The following HMGXB4 variants were observed in gnomAD, a reference collection of about 807,000 sequenced individuals.
HMGXB4 encodes the protein HMG-box containing 4.
A neutral mutation model predicts 63.9 loss-of-function variants in HMGXB4; 27 were observed. The ratio of observed to expected loss-of-function variants is 0.42; its 90% CI spans 0.31 to 0.58. The LOEUF is 0.58. HMGXB4 is among the 20% of genes least tolerant of loss of function. HMGXB4 has a pLI of 0.13. For synonymous variants in HMGXB4, 264 were observed against 265.3 expected, an observed-to-expected ratio of 0.99 and a Z score of 0.05; for missense variants, 624 against 700.7, an observed-to-expected ratio of 0.89 and a Z score of 1.24.
At chr22:35,288,184 T>G (rs1215505650) in intron 8 of HMGXB4, 54 bp from the exon 9 acceptor site, 2 of 1,337,014 alleles carry the variant, frequency 1.5e-6, no homozygotes, top group Non-Finnish European at 9.8e-7. Flanking sequence ...CAACTTTGTG[T>G]TGTTCAAGGC....
intron 5 of HMGXB4, 136 bp downstream of exon 5, chr22:35,265,739 T>A (rs924360569): frequency 8.9e-6 from 11 of 1,240,832 alleles, no homozygotes; most frequent in Non-Finnish European, 1.2e-5. Context: ...TGGAATGATA[T>A]AAAGTATAAA....
chr22:35,252,031 A>G, the HMGXB4 span, among the ~76,000 whole-genome samples: 3 of 152,142 alleles, frequency 2.0e-5, no homozygotes, highest in East Asian at 5.8e-4. Context: ...CCTGGCCAAC[A>G]TGGTGAAACC....
chr22:35,269,671 A>T (rs1403826078), intron 5 of HMGXB4, among the ~76,000 whole-genome samples: 1 of 152,228 alleles, frequency 6.6e-6, no homozygotes, highest in Non-Finnish European at 1.5e-5. Flanking sequence ...GATCTAAATG[A>T]TAAGAATAAA....
chr22:35,257,545 G>C lies in HMGXB4; in HGVS notation c.-81G>C, dbSNP rs939001205. 6.5e-6 allele frequency: 1 copy of C among 152,800 alleles called. No homozygotes were observed. Among genetic ancestry groups the C allele is most frequent in the Non-Finnish European group, 1.5e-5 (1 of 68,202 alleles). The allele number at this position is 152,800 out of a possible 1,614,324, so 9.5% of individuals were successfully genotyped here. A position where few individuals can be genotyped will look rare whatever the true frequency, so the allele number is the denominator to read the frequency against. On this transcript the variant is annotated 5_prime_UTR_variant, in exon 1 of 11. Coordinates refer to ENST00000216106, the MANE Select transcript of HMGXB4 (RefSeq NM_001003681.3). ...GGCGGCGTTGAGGCGGGATCCGGGC[G>C]AGCCGAGTGAAGGTAGCGGCGAGCG...
At chr22:35,266,104 G>C (rs1156287458) in intron 5 of HMGXB4, among the ~76,000 whole-genome samples, 1 of 151,918 alleles carries the variant, frequency 6.6e-6, no homozygotes, top group Non-Finnish European at 1.5e-5. Flanking sequence ...TTTCTTAATA[G>C]AGTTATTCTC....
At chr22:35,288,523 GC>G in intron 9 of HMGXB4, 116 bp downstream of exon 9, 1 of 702,286 alleles carries the variant, frequency 1.4e-6, no homozygotes, top group Non-Finnish European at 2.1e-6. Flanking sequence ...GCTAAATTAT[GC>G]CAGGTTCTCA....
chr22:35,276,690 C>T (rs1923933141), intron 5 of HMGXB4, among the ~76,000 whole-genome samples: 1 of 152,148 alleles, frequency 6.6e-6, no homozygotes, highest in East Asian at 1.9e-4. Flanking sequence ...ACACTTAAGA[C>T]ATTAGGAGAT....
intron 5 of HMGXB4, among the ~76,000 whole-genome samples, chr22:35,281,972 T>C (rs1180061286): frequency 6.6e-6 from 1 of 152,170 alleles, no homozygotes; most frequent in Non-Finnish European, 1.5e-5. Context: ...TCGGTCTTTG[T>C]CCTTTGAGGG....
chr22:35,289,421 C>T (rs568812861), intron 9 of HMGXB4, among the ~76,000 whole-genome samples: 30 of 152,276 alleles, frequency 2.0e-4, no homozygotes, highest in African/African-American at 7.2e-4. Context: ...GATTGCTGCA[C>T]TGCCCTCCAG....
chr22:35,283,948 C>G lies in HMGXB4; in HGVS notation c.1216-14C>G, dbSNP rs1173969606. The stretch of plus-strand genomic sequence containing the variant: ...ATCAAGTCTTACCCTGTTGTATCTT[C>G]TATGCGGCATTAGCCAAAAAAGAAG... On this transcript the variant is annotated splice_polypyrimidine_tract_variant and intron_variant, in intron 5 of 10. Coordinates refer to ENST00000216106, the MANE Select transcript of HMGXB4 (RefSeq NM_001003681.3). 1.2e-6 allele frequency: 2 copies of G among 1,602,634 alleles called. No homozygotes were observed. The highest frequency in any genetic ancestry group is 2.7e-5 in the African/African-American group (2 of 74,822).
intron 9 of HMGXB4, among the ~76,000 whole-genome samples, chr22:35,292,380 C>G (rs1420804841): frequency 2.0e-5 from 3 of 152,140 alleles, no homozygotes; most frequent in African/African-American, 7.2e-5. Context: ...TGTTGCTTCC[C>G]AATATGACAT....
chr22:35,264,433 T>C (rs1039373571), intron 4 of HMGXB4, among the ~76,000 whole-genome samples: 1 of 152,184 alleles, frequency 6.6e-6, no homozygotes, highest in Admixed American at 6.5e-5. Flanking sequence ...ACAACTTTAG[T>C]GGCAAGAACT....
In HMGXB4 at chr22:35,263,746, C is replaced by G. The variant is rs185977240; in HGVS notation, c.181-50C>G. 1.2e-5 allele frequency: 16 copies of G among 1,283,560 alleles called. 1 individual carries two copies. In the East Asian group the frequency reaches 3.7e-4, roughly 30 times the overall value. 79.5% of individuals were successfully genotyped at this position (1,283,560 alleles called of 1,614,324 possible). The stretch of plus-strand genomic sequence containing the variant: ...CATCAAAGACAAGAGTGGTTACAAA[C>G]TGCATTTGCCTCATCATCTTATTAT... On this transcript the variant is annotated intron_variant, in intron 3 of 10. Coordinates refer to ENST00000216106, the MANE Select transcript of HMGXB4 (RefSeq NM_001003681.3).
chr22:35,293,641 C>T lies in HMGXB4; in HGVS notation c.1796C>T (p.Pro599Leu). The change falls in exon 11 of 11, where the codon CCG becomes CTG. Residue 599 changes from proline (P) to leucine (L), a missense_variant. By Grantham distance (98) the Pro-to-Leu change is moderately conservative. Coordinates refer to ENST00000216106, the MANE Select transcript of HMGXB4 (RefSeq NM_001003681.3). The stretch of plus-strand genomic sequence containing the variant: ...TTAGACAACATTGCTTACATCATGC[C>T]GGGACTGTGACAGCAAAGAATCCTG... Reference protein sequence around the residue: ...NTLDNIAYIMPGL With the variant: ...NTLDNIAYIMLGL 1 of 1,611,226 alleles carries T rather than the reference C, an allele frequency of 6.2e-7. No homozygotes were observed. Among genetic ancestry groups the T allele is most frequent in the Non-Finnish European group, 8.5e-7 (1 of 1,177,416 alleles).
chr22:35,282,387 A>G lies in HMGXB4; in HGVS notation c.1216-1575A>G, dbSNP rs922299558. ...GAGACGGGGTTTCACCGTGTTAGCC[A>G]GGATGACCTCGTGATCTGCCCGCCT... On this transcript the variant is annotated intron_variant, in intron 5 of 10. Transcript: ENST00000216106. 5.3e-5 allele frequency among the ~76,000 whole-genome samples: 8 copies of G among 152,240 alleles called. No homozygotes were observed. In the East Asian group the frequency reaches 9.7e-4, roughly 18 times the overall value.
intron 5 of HMGXB4, among the ~76,000 whole-genome samples, chr22:35,283,035 T>C (rs1339793314): frequency 2.6e-5 from 4 of 152,244 alleles, no homozygotes; most frequent in Non-Finnish European, 4.4e-5. Flanking sequence ...AGAACAAACA[T>C]GCCTCAGGTA....
intron 5 of HMGXB4, among the ~76,000 whole-genome samples, chr22:35,273,919 G>A (rs1300419713): frequency 6.6e-6 from 1 of 152,218 alleles, no homozygotes; most frequent in Admixed American, 6.5e-5. Context: ...TCACTTACAA[G>A]GATGTTGTGG....
intron 5 of HMGXB4, among the ~76,000 whole-genome samples, chr22:35,280,033 G>A (rs914653577): frequency 6.6e-6 from 1 of 152,124 alleles, no homozygotes; most frequent in Non-Finnish European, 1.5e-5. Flanking sequence ...TGCTGGGCTT[G>A]TTGTCTCTTT....
rs1035589065 is a variant in HMGXB4 at position 35,287,194 on chromosome 22, C to T, written c.1363-153C>T. ...TGTAGTCAGCTGTCTGAAGTCAGTT[C>T]GGTGACCCCCAGCTTAAAAGTTAGC... On this transcript the variant is annotated intron_variant, in intron 7 of 10. Transcript: ENST00000216106. 2.1e-5 allele frequency: 13 copies of T among 611,528 alleles called. No homozygotes were observed. In the Admixed American group the frequency reaches 2.3e-4, roughly 11 times the overall value. 37.9% of individuals were successfully genotyped at this position (611,528 alleles called of 1,614,324 possible).
Sources: gnomAD v4.1 joint callset for allele counts (sites outside exome capture counted in the v4.1 genomes callset) on GRCh38, gnomAD v4.1.1 for gene constraint, MANE v1.5 for transcripts, NCBI Gene and HGNC (gene_info 2026-07-23, HGNC 2026-07-21) for gene names.